TOMM70: variants seen among roughly 807,000 people sequenced by gnomAD.
TOMM70 encodes the protein translocase of outer mitochondrial membrane 70.
In TOMM70, 13 loss-of-function variants were observed where a neutral mutation model predicts 73.6. That is an observed-to-expected ratio of 0.18 (90% CI 0.11 to 0.28). TOMM70 has a LOEUF of 0.28. TOMM70 is among the 10% of genes least tolerant of loss of function. The probability of loss-of-function intolerance (pLI) is 1.00; values close to 1 mark genes in which losing one functional copy is unlikely to be tolerated. For synonymous variants in TOMM70, 257 were observed against 271.2 expected (o/e 0.95, Z 0.51); for missense variants, 609 against 747.5 (o/e 0.81, Z 2.16).
In TOMM70 at chr3:100,375,121, C is replaced by T. The variant is rs1260346637; in HGVS notation, c.1124G>A (p.Ser375Asn). ...LRANALIKRG[S>N]MYMQQQQPLL... is the part of the protein sequence containing the mutation. ...AGGCTGCTGCTGTTGCATGTACATGCTGCCTCTTTTGATGAGAGCATTTGC... is the reference window on the plus strand; with the variant it reads ...AGGCTGCTGCTGTTGCATGTACATGTTGCCTCTTTTGATGAGAGCATTTGC... The change falls in exon 7 of 12, where the codon AGC (serine) becomes AAC (asparagine). Residue 375 changes from serine (S) to asparagine (N), a missense_variant. Physicochemically the swap from Ser to Asn is conservative, Grantham distance 46. This residue lies in a region of TOMM70 where 432 missense variants were observed against 584.1 expected (regional missense o/e 0.74). Transcript: ENST00000284320. The T allele has an allele frequency of 1.2e-6, 2 of 1,609,088 alleles. No homozygotes were observed. The highest frequency in any genetic ancestry group is 3.4e-5 in the Admixed American group (2 of 59,114).
At chr3:100,377,530 AT>A in intron 6 of TOMM70, 174 bp downstream of exon 6, 1 of 626,056 alleles carries the variant, frequency 1.6e-6, no homozygotes, top group Middle Eastern at 4.4e-4. Context: ...TATCATTGAT[AT>A]TTATGTTTTC....
At position 100,391,515 on chromosome 3, in the gene TOMM70, A is replaced by T. The variant is rs547220085; in HGVS notation, c.325-4537T>A. Among the ~76,000 whole-genome samples the T allele has an allele frequency of 2.6e-3, 392 of 152,174 alleles. 2 individuals carry two copies. The highest frequency in any genetic ancestry group is 2.9e-3 in the Non-Finnish European group (196 of 67,976). On this transcript the variant is annotated intron_variant, in intron 1 of 11. Transcript: ENST00000284320. Reference sequence around the variant, plus strand: ...AGAAGTTTAAAAGTTTAAAAAAAAAAATTTTTTTAATAAGACAAAGCTTAT... The same window carrying T: ...AGAAGTTTAAAAGTTTAAAAAAAAATATTTTTTTAATAAGACAAAGCTTAT...
At chr3:100,378,938 C>T (rs761589116) in intron 5 of TOMM70, among the ~76,000 whole-genome samples, 15 of 152,010 alleles carry the variant, frequency 9.9e-5, no homozygotes, top group Non-Finnish European at 1.6e-4. Flanking sequence ...ACCCGGGAGG[C>T]GGAGCTTGCA....
At chr3:100,382,960 AAAT>A (rs1376556828) in intron 4 of TOMM70, among the ~76,000 whole-genome samples, 4 of 152,346 alleles carry the variant, frequency 2.6e-5, no homozygotes, top group African/African-American at 9.6e-5. Flanking sequence ...AAAAAAATCA[AAAT>A]AATAATATGG....
intron 1 of TOMM70, among the ~76,000 whole-genome samples, chr3:100,397,492 T>C (rs1706837907): frequency 6.6e-6 from 1 of 150,414 alleles, no homozygotes; most frequent in South Asian, 2.1e-4. Flanking sequence ...GCAAATGTTT[T>C]GCCTTATTTT....
chr3:100,377,863 T>C lies in TOMM70; in HGVS notation c.934A>G (p.Lys312Glu). 6.2e-7 allele frequency: 1 copy of C among 1,614,194 alleles called. No homozygotes were observed. Among genetic ancestry groups the C allele is most frequent in the Non-Finnish European group, 8.5e-7 (1 of 1,180,042 alleles). ...KQYMEEENYDKIISECSKEID... is the reference protein window; with the variant it reads ...KQYMEEENYDEIISECSKEID... ...TCTTTTGAGCATTCACTTATGATTT[T>C]ATCGTAGTTTTCTTCTTCCATATAC... is the stretch of plus-strand genomic sequence containing the variant. The change falls in exon 6 of 12, where the codon AAA becomes GAA. Residue 312 changes from lysine to glutamate, a missense_variant. Physicochemically the swap from Lys to Glu is moderately conservative, Grantham distance 56 (BLOSUM62 1). Around this residue, in one of 2 missense-constraint regions of TOMM70, gnomAD observed 432 missense variants for 584.1 expected, o/e 0.74. Coordinates refer to ENST00000284320, the MANE Select transcript of TOMM70 (RefSeq NM_014820.5).
chr3:100,372,639 T>C lies in TOMM70; in HGVS notation c.1419A>G (p.Pro473=), dbSNP rs370111871. 4 of 1,614,012 alleles carry C rather than the reference T, an allele frequency of 2.5e-6. No homozygotes were observed. The highest frequency in any genetic ancestry group is 3.4e-6 in the Non-Finnish European group (4 of 1,180,004). ...ATAGTGCATAGCCTTCGGCACACCTTGGAAATTTCTTTATGACCTCTTCAA... is the reference window on the plus strand; with the variant it reads ...ATAGTGCATAGCCTTCGGCACACCTCGGAAATTTCTTTATGACCTCTTCAA... ...KGFEEVIKKF[P]RCAEGYALYA... Residue 473 remains proline (P), a synonymous_variant, in exon 9 of 12, where the codon CCA becomes CCG. Coordinates refer to ENST00000284320, the MANE Select transcript of TOMM70 (RefSeq NM_014820.5).
Position 100,384,599 on chromosome 3 carries a change from TG to T in TOMM70, c.626-12del. On this transcript the variant is annotated splice_polypyrimidine_tract_variant and intron_variant, in intron 3 of 11. Transcript: ENST00000284320. Reference sequence around the variant, plus strand: ...ACACAGCAGTGACATCTAGAAATGATGAAAAACACAAGGGTAAATATAAAAT... The same window carrying T: ...ACACAGCAGTGACATCTAGAAATGATAAAAACACAAGGGTAAATATAAAAT... The T allele has an allele frequency of 1.3e-6, 2 of 1,517,532 alleles. No homozygotes were observed. The highest frequency in any genetic ancestry group is 8.9e-7 in the Non-Finnish European group (1 of 1,126,876). 94.0% of individuals were successfully genotyped at this position (1,517,532 alleles called of 1,614,324 possible).
intron 4 of TOMM70, among the ~76,000 whole-genome samples, chr3:100,383,176 T>C (rs1297854145): frequency 6.6e-6 from 1 of 152,108 alleles, no homozygotes; most frequent in Non-Finnish European, 1.5e-5. Context: ...CAAAGTGATT[T>C]TGAGAAACAC....
intron 4 of TOMM70, 69 bp downstream of exon 4, chr3:100,384,410 G>A: frequency 1.9e-6 from 2 of 1,080,628 alleles, no homozygotes; most frequent in Non-Finnish European, 2.6e-6. Flanking sequence ...AGCTTAAGCA[G>A]CATAAATTAG....
At position 100,400,922 on chromosome 3, in the gene TOMM70, C is replaced by G. The variant is rs913165913; in HGVS notation, c.28G>C (p.Ala10Pro). The G allele has an allele frequency of 6.6e-7, 1 of 1,523,870 alleles. No homozygotes were observed. Among genetic ancestry groups the G allele is most frequent in the Non-Finnish European group, 8.8e-7 (1 of 1,142,250 alleles). 94.4% of individuals were successfully genotyped at this position (1,523,870 alleles called of 1,614,324 possible). The change falls in exon 1 of 12, where the codon GCG (alanine) becomes CCG (proline). Residue 10 changes from alanine to proline, a missense_variant. By Grantham distance (27) the Ala-to-Pro change is conservative. Coordinates refer to ENST00000284320, the MANE Select transcript of TOMM70 (RefSeq NM_014820.5). Reference protein sequence around the residue: MAASKPVEAAVVAAAVPSSG... With the variant: MAASKPVEAPVVAAAVPSSG... ...CTCGGTACAGCGGCTGCGACCACCG[C>G]TGCCTCCACAGGTTTAGAGGCGGCC...
Position 100,400,635 on chromosome 3 carries a change from G to A in TOMM70, c.315C>T (p.His105=), listed in dbSNP as rs1422325941. 5 of 1,611,598 alleles carry A rather than the reference G, an allele frequency of 3.1e-6. No homozygotes were observed. The highest frequency in any genetic ancestry group is 3.4e-6 in the Non-Finnish European group (4 of 1,179,324). The stretch of plus-strand genomic sequence containing the variant: ...TGGGGCTGCTTCTCACCATGTCCAA[G>A]TGAGCACCGGGACCTTCAGGGTGTC... The part of the protein sequence containing the change: ...GSGHPEGPGA[H]LDMNSLDRAQ... The change falls in exon 1 of 12, where the codon CAC becomes CAT. Residue 105 remains histidine (H), a synonymous_variant. Coordinates refer to ENST00000284320, the MANE Select transcript of TOMM70 (RefSeq NM_014820.5).
At chr3:100,373,758 AAT>A in intron 7 of TOMM70, 113 bp from the exon 8 acceptor site, 2 of 586,954 alleles carry the variant, frequency 3.4e-6, no homozygotes, top group Non-Finnish European at 5.8e-6. Context: ...GTAGTAATTC[AAT>A]ATATAATTAC....
rs202011920 is a variant in TOMM70 at position 100,375,137 on chromosome 3, G to C, written c.1108C>G (p.Leu370Val). The change falls in exon 7 of 12, where the codon CTC becomes GTC. Residue 370 changes from leucine (L) to valine (V), a missense_variant. This residue lies in a region of TOMM70 where 432 missense variants were observed against 584.1 expected (regional missense o/e 0.74). Coordinates refer to ENST00000284320, the MANE Select transcript of TOMM70 (RefSeq NM_014820.5). ...EANVKLRANA[L>V]IKRGSMYMQQ... Reference sequence around the variant, plus strand: ...ATGTACATGCTGCCTCTTTTGATGAGAGCATTTGCTCGAAGCTATATACCC... The same window carrying C: ...ATGTACATGCTGCCTCTTTTGATGACAGCATTTGCTCGAAGCTATATACCC... The C allele has an allele frequency of 1.2e-5, 20 of 1,601,490 alleles. No individual in the cohort carries two copies. The highest frequency in any genetic ancestry group is 2.3e-5 in the East Asian group (1 of 44,116).
intron 1 of TOMM70, among the ~76,000 whole-genome samples, chr3:100,389,395 C>CA (rs1212121659): frequency 1.3e-5 from 2 of 152,072 alleles, no homozygotes; most frequent in Non-Finnish European, 2.9e-5. Flanking sequence ...AACAAAAAAG[C>CA]AGAGTAAATA....
intron 11 of TOMM70, among the ~76,000 whole-genome samples, chr3:100,366,892 G>T (rs1248473747): frequency 6.6e-6 from 1 of 152,184 alleles, no homozygotes; most frequent in Non-Finnish European, 1.5e-5. Flanking sequence ...TCTAGTACAA[G>T]AATATTTTAT....
chr3:100,399,786 G>A (rs1706869105), intron 1 of TOMM70, among the ~76,000 whole-genome samples: 1 of 151,092 alleles, frequency 6.6e-6, no homozygotes, highest in Non-Finnish European at 1.5e-5. Context: ...CCTGGGGCAG[G>A]GGGCTGTGTG....
rs1455872342 is a variant in TOMM70 at position 100,395,530 on chromosome 3, G to A, written c.324+5096C>T. Among the ~76,000 whole-genome samples the A allele has an allele frequency of 7.4e-5, 10 of 135,374 alleles. No individual in the cohort carries two copies. The East Asian group carries it at 9.0e-4, about 12-fold the overall frequency. 88.8% of individuals were successfully genotyped at this position (135,374 alleles called of 152,430 possible). A position where few individuals can be genotyped will look rare whatever the true frequency, so the allele number is the denominator to read the frequency against. ...TGCACTCCAGCCTGGGTGACAGAGC[G>A]CGACTCCAACTCAAAAAAAAAAAAA... On this transcript the variant is annotated intron_variant, in intron 1 of 11. Coordinates refer to ENST00000284320, the MANE Select transcript of TOMM70 (RefSeq NM_014820.5).
intron 1 of TOMM70, among the ~76,000 whole-genome samples, chr3:100,392,459 C>G (rs528357278): frequency 3.8e-4 from 58 of 152,150 alleles, no homozygotes; most frequent in African/African-American, 1.3e-3. Flanking sequence ...GCTCTGTCAC[C>G]CAGGCTGGAG....
Sources: allele counts gnomAD v4.1 joint callset (sites outside exome capture counted in the v4.1 genomes callset), GRCh38; gene constraint gnomAD v4.1.1; regional missense constraint gnomAD v4.1.1; transcripts MANE v1.5; gene names NCBI Gene and HGNC (gene_info 2026-07-23, HGNC 2026-07-21).